Variants in PIK3R5 observed in about 807,000 individuals in gnomAD.
PIK3R5 encodes phosphoinositide 3-kinase regulatory subunit 5.
A neutral mutation model predicts 94.9 loss-of-function variants in PIK3R5; 32 were observed. The observed-to-expected ratio is 0.34, with a 90% CI of 0.25 to 0.45. The LOEUF is 0.45. Ranked by LOEUF, PIK3R5 falls within the 20% of genes least tolerant of loss-of-function variation. The probability of loss-of-function intolerance (pLI) is 1.00; values close to 1 mark genes in which losing one functional copy is unlikely to be tolerated. For synonymous variants in PIK3R5, 443 were observed against 479.4 expected, an observed-to-expected ratio of 0.92 and a Z score of 0.99; for missense variants, 853 against 1,144.6, an observed-to-expected ratio of 0.75 and a Z score of 3.68.
chr17:8,959,995 G>C (rs2151483862), intron 1 of PIK3R5, among the ~76,000 whole-genome samples: 1 of 152,324 alleles, frequency 6.6e-6, no homozygotes, highest in South Asian at 2.1e-4. Flanking sequence ...CAGTGGAAAG[G>C]AGAAGAGAGG....
intron 1 of PIK3R5, among the ~76,000 whole-genome samples, chr17:8,933,953 T>C (rs1234279232): frequency 6.6e-6 from 1 of 152,332 alleles, no homozygotes; most frequent in Admixed American, 6.5e-5. Flanking sequence ...TGCTCAAACT[T>C]ATAAAGAGCA....
Position 8,892,853 on chromosome 17 carries a change from G to C in PIK3R5, c.482+733C>G, listed in dbSNP as rs1249884875. ...GTCCCTGGGCTCCCAACATGTCAAG[G>C]TGAGACAGCACCCAACTCTTCAAGG... is the stretch of plus-strand genomic sequence containing the variant. On this transcript the variant is annotated intron_variant, in intron 6 of 18. Coordinates refer to ENST00000447110, the MANE Select transcript of PIK3R5 (RefSeq NM_001142633.3). This position sits in a 1 kb window ranked among gnomAD's most constrained non-coding sequence, Gnocchi z 4.3. 6.6e-6 allele frequency among the ~76,000 whole-genome samples: 1 copy of C among 152,142 alleles called. No individual in the cohort carries two copies. The highest frequency in any genetic ancestry group is 1.9e-4 in the East Asian group (1 of 5,184).
chr17:8,913,054 G>A (rs1231180357), intron 1 of PIK3R5, among the ~76,000 whole-genome samples: 1 of 152,216 alleles, frequency 6.6e-6, no homozygotes, highest in Non-Finnish European at 1.5e-5. Context: ...TCCTTGGTGG[G>A]AGACACAGAC....
At chr17:8,946,492 A>G (rs1229573704) in intron 1 of PIK3R5, among the ~76,000 whole-genome samples, 2 of 151,756 alleles carry the variant, frequency 1.3e-5, no homozygotes, top group Non-Finnish European at 2.9e-5. Context: ...TCCATAAGGC[A>G]TCCAAGATAA....
intron 1 of PIK3R5, among the ~76,000 whole-genome samples, chr17:8,948,061 A>G (rs966772891): frequency 2.1e-4 from 31 of 149,098 alleles, no homozygotes; most frequent in Non-Finnish European, 3.5e-4. Context: ...AAAAAAAAAA[A>G]AAAAAGAAAA....
intron 1 of PIK3R5, among the ~76,000 whole-genome samples, chr17:8,934,497 T>C (rs1444654860): frequency 6.6e-6 from 1 of 152,212 alleles, no homozygotes; most frequent in Non-Finnish European, 1.5e-5. Context: ...TCCAAGTTCA[T>C]CTATGGATTC....
chr17:8,883,937 C>T (rs1023328040), intron 15 of PIK3R5, among the ~76,000 whole-genome samples: 7 of 152,222 alleles, frequency 4.6e-5, no homozygotes, highest in African/African-American at 1.4e-4. Context: ...TGCCCACCTC[C>T]TTCACTGCCA....
Position 8,935,590 on chromosome 17 carries a change from A to G in PIK3R5, c.-13-24083T>C, listed in dbSNP as rs989620168. On this transcript the variant is annotated intron_variant, in intron 1 of 18. Coordinates refer to ENST00000447110, the MANE Select transcript of PIK3R5 (RefSeq NM_001142633.3). The surrounding 1 kb of genome is among the most constrained non-coding windows in gnomAD (Gnocchi z 4.5). ...TCAGAGTACAAATACAGGATAATTTATATTTCTATTAATTTATTTCTTTCT... is the reference window on the plus strand; with the variant it reads ...TCAGAGTACAAATACAGGATAATTTGTATTTCTATTAATTTATTTCTTTCT... 1.3e-5 allele frequency among the ~76,000 whole-genome samples: 2 copies of G among 152,152 alleles called. No homozygotes were observed. The highest frequency in any genetic ancestry group is 2.4e-5 in the African/African-American group (1 of 41,438).
In PIK3R5 at chr17:8,904,785, T is replaced by G. The variant is rs754125372; in HGVS notation, c.404A>C (p.Lys135Thr). Residue 135 changes from lysine (K) to threonine (T), a missense_variant, in exon 5 of 19, where the codon AAG becomes ACG. Coordinates refer to ENST00000447110, the MANE Select transcript of PIK3R5 (RefSeq NM_001142633.3). This position sits in a 1 kb window ranked among gnomAD's most constrained non-coding sequence, Gnocchi z 5.1. The stretch of plus-strand genomic sequence containing the variant: ...GCTGCCTCAGTGCTTACCTGGGGCC[T>G]TGAGTTCAGCATCAATGAAGGTGAG... ...ELLTFIDAEL[K>T]APGISYQRLV... The G allele has an allele frequency of 6.2e-7, 1 of 1,614,140 alleles. No homozygotes were observed. The highest frequency in any genetic ancestry group is 1.1e-5 in the South Asian group (1 of 91,076).
At chr17:8,901,554 C>G (rs954615265) in intron 5 of PIK3R5, among the ~76,000 whole-genome samples, 1 of 152,122 alleles carries the variant, frequency 6.6e-6, no homozygotes, top group Non-Finnish European at 1.5e-5. Flanking sequence ...TTCTAGGGTC[C>G]ATAAGTTGTT....
intron 14 of PIK3R5, among the ~76,000 whole-genome samples, chr17:8,885,560 A>G (rs597282): frequency 2.9e-4 from 25 of 84,976 alleles, no homozygotes; most frequent in Admixed American, 3.9e-4. Flanking sequence ...TGCCTCCCCA[A>G]GGCCCCACCT....
intron 1 of PIK3R5, among the ~76,000 whole-genome samples, chr17:8,948,114 AC>A (rs1461279797): frequency 1.3e-5 from 2 of 151,598 alleles, no homozygotes; most frequent in African/African-American, 4.8e-5. Context: ...ATCAAAAAGG[AC>A]CCGTAAAGCT....
At position 8,884,333 on chromosome 17, in the gene PIK3R5, T is replaced by C. The variant is rs150323858; in HGVS notation, c.2205+374A>G. ...TTTCTCACGCCAATCCCATCTTGCATGCAGCCTGCCAGGCACACTGGCCCC... is the reference window on the plus strand; with the variant it reads ...TTTCTCACGCCAATCCCATCTTGCACGCAGCCTGCCAGGCACACTGGCCCC... On this transcript the variant is annotated intron_variant, in intron 15 of 18. Coordinates refer to ENST00000447110, the MANE Select transcript of PIK3R5 (RefSeq NM_001142633.3). This position sits in a 1 kb window ranked among gnomAD's most constrained non-coding sequence, Gnocchi z 5.8. Among the ~76,000 whole-genome samples the C allele has an allele frequency of 0.012, 1,759 of 152,186 alleles. 24 individuals are homozygous for C. Among genetic ancestry groups the C allele is most frequent in the African/African-American group, 0.04 (1,663 of 41,518 alleles).
chr17:8,964,736 G>A (rs1360571603), intron 1 of PIK3R5, among the ~76,000 whole-genome samples: 1 of 152,166 alleles, frequency 6.6e-6, no homozygotes, highest in Non-Finnish European at 1.5e-5. Flanking sequence ...GAAAGTGTGG[G>A]GTGGATGAGA....
At chr17:8,903,199 A>G (rs1386492519) in intron 5 of PIK3R5, among the ~76,000 whole-genome samples, 1 of 152,164 alleles carries the variant, frequency 6.6e-6, no homozygotes, top group Admixed American at 6.5e-5. Flanking sequence ...TTATCCTGAT[A>G]TCATCTATGA....
rs1431135932 is a variant in PIK3R5, at chr17:8,945,608, C to T, written c.-14+19988G>A. On this transcript the variant is annotated intron_variant, in intron 1 of 18. Transcript: ENST00000447110. This position sits in a 1 kb window ranked among gnomAD's most constrained non-coding sequence, Gnocchi z 4.0. ...AATCCACCGTAGTCCAGAAACAACA[C>T]AAAATGAGAACTCCTCCCCAGAAAA... Among the ~76,000 whole-genome samples, 1 of 152,166 alleles carries T rather than the reference C, an allele frequency of 6.6e-6. No individual in the cohort carries two copies. Among genetic ancestry groups the T allele is most frequent in the East Asian group, 1.9e-4 (1 of 5,184 alleles).
intron 10 of PIK3R5, 92 bp from the exon 11 acceptor site, chr17:8,887,775 C>T (rs2089904182): frequency 2.4e-6 from 3 of 1,243,250 alleles, no homozygotes; most frequent in Admixed American, 2.1e-5. Context: ...GGTGGATCAC[C>T]CGAGGCCAGG....
chr17:8,960,898 A>G (rs1416457470), intron 1 of PIK3R5, among the ~76,000 whole-genome samples: 2 of 130,270 alleles, frequency 1.5e-5, no homozygotes, highest in Non-Finnish European at 3.1e-5. Context: ...GTTGCTGTGC[A>G]TGGACGCCTT....
chr17:8,897,098 C>A (rs2090168460), intron 5 of PIK3R5, among the ~76,000 whole-genome samples: 1 of 152,202 alleles, frequency 6.6e-6, no homozygotes, highest in Non-Finnish European at 1.5e-5. Context: ...TGCTCCCCAT[C>A]CCCAGGGTCC....
Sources: gnomAD v4.1 joint callset for allele counts (sites outside exome capture counted in the v4.1 genomes callset) on GRCh38, gnomAD v4.1.1 for gene constraint, Gnocchi (gnomAD v3.1) non-coding constraint, MANE v1.5 for transcripts, NCBI Gene and HGNC (gene_info 2026-07-23, HGNC 2026-07-21) for gene names.